Variants in ZNF704 observed in about 807,000 individuals in gnomAD.
ZNF704 encodes glucocorticoid induced gene 1.
In ZNF704, 10 loss-of-function variants were observed where a neutral mutation model predicts 44.7. The observed-to-expected ratio is 0.22, with a 90% CI of 0.14 to 0.38. The LOEUF (loss-of-function observed/expected upper bound fraction) is 0.38, where lower values mean the gene tolerates loss of function less well. Ranked by LOEUF, ZNF704 falls within the 10% of genes least tolerant of loss-of-function variation. The pLI is 1.00. For synonymous variants in ZNF704, 211 were observed against 207.6 expected (o/e 1.02, Z -0.14); for missense variants, 390 against 545.5 (o/e 0.71, Z 2.84).
At chr8:80,816,608 C>T (rs531647443) in intron 2 of ZNF704, among the ~76,000 whole-genome samples, 1 of 152,152 alleles carries the variant, frequency 6.6e-6, no homozygotes, top group South Asian at 2.1e-4. Flanking sequence ...TGAGTGATTG[C>T]TATCCCAACA....
chr8:80,827,816 TG>T (rs1808405197), intron 1 of ZNF704, among the ~76,000 whole-genome samples: 1 of 152,152 alleles, frequency 6.6e-6, no homozygotes, highest in Non-Finnish European at 1.5e-5. Flanking sequence ...AAGCAAGAAA[TG>T]GGGAAAGGAT....
chr8:80,818,087 G>A (rs983610696), intron 2 of ZNF704, among the ~76,000 whole-genome samples: 3 of 152,222 alleles, frequency 2.0e-5, no homozygotes, highest in East Asian at 3.9e-4. Flanking sequence ...GATCTCTCTA[G>A]TTACATGAAA....
intron 7 of ZNF704, chr8:80,645,101 C>T: frequency 6.3e-7 from 1 of 1,584,498 alleles, no homozygotes; most frequent in Non-Finnish European, 8.7e-7. Flanking sequence ...TGTCCTTGGG[C>T]AGCATGACAT....
chr8:80,654,209 A>C (rs1281191479), intron 7 of ZNF704, among the ~76,000 whole-genome samples: 2 of 152,214 alleles, frequency 1.3e-5, no homozygotes, highest in East Asian at 1.9e-4. Flanking sequence ...TTAAAGACTT[A>C]AATGTTAGAC....
In ZNF704 at chr8:80,641,324, A is replaced by G. The variant is rs1415011660; in HGVS notation, c.*42T>C. 2 of 1,324,298 alleles carry G rather than the reference A, an allele frequency of 1.5e-6. No individual in the cohort carries two copies. The highest frequency in any genetic ancestry group is 2.1e-6 in the Non-Finnish European group (2 of 965,446). The allele number at this position is 1,324,298 out of a possible 1,614,324, so 82.0% of individuals were successfully genotyped here. ...AACACCTGCAGTGGCAGGCCAGGGC[A>G]GGAGCGGCTCAGGGCCCTGAGCCCC... is the stretch of plus-strand genomic sequence containing the variant. On this transcript the variant is annotated 3_prime_UTR_variant, in exon 9 of 9. Transcript: ENST00000327835.
At position 80,811,698 on chromosome 8, in the gene ZNF704, G is replaced by A. The variant is rs149110208; in HGVS notation, c.221+9676C>T. ...TGTACAGTTTAAAAACAAATCTTAC[G>A]CAGCCTTACATTTCAATTTTTTTCT... is the stretch of plus-strand genomic sequence containing the variant. On this transcript the variant is annotated intron_variant, in intron 2 of 8. Transcript: ENST00000327835. 2.8e-4 allele frequency among the ~76,000 whole-genome samples: 43 copies of A among 152,240 alleles called. No individual in the cohort carries two copies. The East Asian group carries it at 6.7e-3, about 24-fold the overall frequency.
At chr8:80,804,098 A>G (rs1334641042) in intron 2 of ZNF704, among the ~76,000 whole-genome samples, 1 of 152,256 alleles carries the variant, frequency 6.6e-6, no homozygotes, top group African/African-American at 2.4e-5. Flanking sequence ...ATCACTGATC[A>G]TTAGAGAAAT....
intron 5 of ZNF704, among the ~76,000 whole-genome samples, chr8:80,667,218 G>A (rs1360367818): frequency 6.6e-6 from 1 of 152,188 alleles, no homozygotes; most frequent in Non-Finnish European, 1.5e-5. Flanking sequence ...CAGAGGCAAG[G>A]TCATCCAGGG....
intron 7 of ZNF704, chr8:80,644,945 T>C: frequency 1.8e-6 from 2 of 1,103,250 alleles, no homozygotes; most frequent in Non-Finnish European, 2.8e-6. Context: ...ATTTCTTTGT[T>C]TTCTCGGGTA....
chr8:80,882,319 C>A, the ZNF704 span, among the ~76,000 whole-genome samples: 2 of 152,212 alleles, frequency 1.3e-5, no homozygotes, highest in African/African-American at 4.8e-5. Flanking sequence ...GCCACTTTGA[C>A]AAATGTTTCA....
At chr8:80,792,879 C>G (rs1260841852) in intron 2 of ZNF704, among the ~76,000 whole-genome samples, 1 of 152,236 alleles carries the variant, frequency 6.6e-6, no homozygotes. Context: ...TAATTTCAGA[C>G]TTGCAAGAGA....
chr8:80,880,717 CTTGAT>C, the ZNF704 span, among the ~76,000 whole-genome samples: 2 of 152,140 alleles, frequency 1.3e-5, no homozygotes, highest in Non-Finnish European at 2.9e-5. Context: ...CCATTTTAAA[CTTGAT>C]ACCAAGTCAG....
intron 2 of ZNF704, among the ~76,000 whole-genome samples, chr8:80,817,579 T>C (rs1340331258): frequency 2.6e-5 from 4 of 152,242 alleles, no homozygotes; most frequent in Non-Finnish European, 5.9e-5. Flanking sequence ...TAATCCTGTC[T>C]TGGCATTTGC....
rs750957562 is a variant in ZNF704, at chr8:80,683,545, T to G, written c.558+3681A>C. Among the ~76,000 whole-genome samples the G allele has an allele frequency of 8.5e-5, 13 of 152,234 alleles. No individual in the cohort carries two copies. The East Asian group carries it at 1.7e-3, about 20-fold the overall frequency. On this transcript the variant is annotated intron_variant, in intron 4 of 8. Coordinates refer to ENST00000327835, the MANE Select transcript of ZNF704 (RefSeq NM_001033723.3). ...GGAAATATGGATTCACTGAATTAAC[T>G]TGGCCTCAAACGTTTCCTCTGCTAT... is the stretch of plus-strand genomic sequence containing the variant.
rs773311449 is a variant in ZNF704 at position 80,687,304 on chromosome 8, G to C, written c.480C>G (p.Pro160=). 6.2e-7 allele frequency: 1 copy of C among 1,612,974 alleles called. No homozygotes were observed. Among genetic ancestry groups the C allele is most frequent in the Non-Finnish European group, 8.5e-7 (1 of 1,179,876 alleles). ...CGTCGATGCCGTCGTCTGGCTGCGC[G>C]GGGCTGCGGAAGGGCTTGAAGCTGT... is the stretch of plus-strand genomic sequence containing the variant. ...SADSFKPFRS[P]AQPDDGIDEA... is the part of the protein sequence containing the mutation. Residue 160 remains proline (P), a synonymous_variant, in exon 4 of 9, where the codon CCC becomes CCG. Coordinates refer to ENST00000327835, the MANE Select transcript of ZNF704 (RefSeq NM_001033723.3).
At chr8:80,827,672 T>C (rs937069221) in intron 1 of ZNF704, among the ~76,000 whole-genome samples, 1 of 152,138 alleles carries the variant, frequency 6.6e-6, no homozygotes, top group Non-Finnish European at 1.5e-5. Flanking sequence ...CTTCAAACTA[T>C]ACTACAAGGC....
rs1223589328 is a variant in ZNF704 at position 80,634,012 on chromosome 8, G to A, written c.*7354C>T. 6.6e-5 allele frequency: 10 copies of A among 152,244 alleles called. No homozygotes were observed. The highest frequency in any genetic ancestry group is 7.3e-5 in the Non-Finnish European group (5 of 68,062). The allele number at this position is 152,244 out of a possible 1,614,324, so 9.4% of individuals were successfully genotyped here. A position where few individuals can be genotyped will look rare whatever the true frequency, so the allele number is the denominator to read the frequency against. On this transcript the variant is annotated 3_prime_UTR_variant, in exon 9 of 9. Transcript: ENST00000327835. Reference sequence around the variant, plus strand: ...GCAAGGCTTCTGCTGTATCAGAGGTGAAGCAGTGGTAATTTTACTTGGTAA... The same window carrying A: ...GCAAGGCTTCTGCTGTATCAGAGGTAAAGCAGTGGTAATTTTACTTGGTAA...
chr8:80,851,417 T>C (rs1808861499), intron 1 of ZNF704, among the ~76,000 whole-genome samples: 1 of 152,150 alleles, frequency 6.6e-6, no homozygotes, highest in Non-Finnish European at 1.5e-5. Context: ...TTCATGTCCT[T>C]TGTAGGGACA....
chr8:80,694,969 G>A (rs1818702719), intron 2 of ZNF704, among the ~76,000 whole-genome samples: 2 of 151,782 alleles, frequency 1.3e-5, no homozygotes, highest in African/African-American at 4.9e-5. Flanking sequence ...TCCATACAAA[G>A]TTTTCAAGAC....
Sources: allele counts gnomAD v4.1 joint callset (sites outside exome capture counted in the v4.1 genomes callset), GRCh38; gene constraint gnomAD v4.1.1; transcripts MANE v1.5; gene names NCBI Gene and HGNC (gene_info 2026-07-23, HGNC 2026-07-21).